TMEM237: variants seen among roughly 807,000 people sequenced by gnomAD.
TMEM237 encodes amyotrophic lateral sclerosis 2 (juvenile) chromosome region, candidate 4.
Under a neutral mutation model 59.1 loss-of-function variants are expected in TMEM237, and 51 were observed. The ratio of observed to expected loss-of-function variants is 0.86; its 90% CI spans 0.69 to 1.09. TMEM237 has a LOEUF of 1.09. Among genes scored for constraint, TMEM237 ranks in the 50% least tolerant of loss-of-function variants. The pLI is 0.00. For missense variants in TMEM237, 475 were observed against 478.3 expected (o/e 0.99, Z 0.06); for synonymous variants, 140 against 166.1 (o/e 0.84, Z 1.21).
chr2:201,641,850 T>C (rs997443243), intron 1 of TMEM237, among the ~76,000 whole-genome samples: 3 of 152,020 alleles, frequency 2.0e-5, no homozygotes, highest in African/African-American at 7.3e-5. Context: ...ATGCAAATAT[T>C]TTTAGGTTAA....
chr2:201,625,564 A>G (rs1957751439), intron 12 of TMEM237, among the ~76,000 whole-genome samples: 1 of 152,224 alleles, frequency 6.6e-6, no homozygotes, highest in Admixed American at 6.5e-5. Context: ...CACACTGAGC[A>G]TGTTAAAAGA....
chr2:201,632,850 T>G (rs1006393292), intron 6 of TMEM237, among the ~76,000 whole-genome samples: 8 of 152,222 alleles, frequency 5.3e-5, no homozygotes, highest in Non-Finnish European at 1.2e-4. Context: ...CAAATAATAG[T>G]GCTATATATA....
Position 201,632,135 on chromosome 2 carries a change from G to C in TMEM237, c.469C>G (p.Gln157Glu). 2 of 1,613,926 alleles carry C rather than the reference G, an allele frequency of 1.2e-6. No homozygotes were observed. Among genetic ancestry groups the C allele is most frequent in the Non-Finnish European group, 1.7e-6 (2 of 1,179,834 alleles). ...VEDEDIITDEQTTVEQQSVFT... is the reference protein window; with the variant it reads ...VEDEDIITDEETTVEQQSVFT... ...ACAGACTGCTGTTCCACAGTAGTTTGCTCATCAGTGATTATGTCTTCATCT... is the reference window on the plus strand; with the variant it reads ...ACAGACTGCTGTTCCACAGTAGTTTCCTCATCAGTGATTATGTCTTCATCT... Residue 157 changes from glutamine (Q) to glutamate (E), a missense_variant, in exon 7 of 13, where the codon CAA becomes GAA. Coordinates refer to ENST00000409883, the MANE Select transcript of TMEM237 (RefSeq NM_001044385.3).
intron 9 of TMEM237, 70 bp from the exon 10 acceptor site, chr2:201,628,219 A>G (rs1162313791): frequency 4.5e-6 from 5 of 1,107,312 alleles, no homozygotes. Context: ...TCTTGACTAT[A>G]GTTTTTTCCT....
chr2:201,633,378 T>C lies in TMEM237; in HGVS notation c.328A>G (p.Asn110Asp). The change falls in exon 6 of 13, where the codon AAT becomes GAT. Residue 110 changes from asparagine (N) to aspartate (D), a missense_variant. By Grantham distance (23) the Asn-to-Asp change is conservative. Coordinates refer to ENST00000409883, the MANE Select transcript of TMEM237 (RefSeq NM_001044385.3). ...KKSSSSSLLR[N>D]ENGIDAEPAE... is the part of the protein sequence containing the mutation. ...GGCTCCGCATCAATACCATTTTCAT[T>C]TCGTAATAAAGATGAACTAGATGAC... 1 of 1,588,802 alleles carries C rather than the reference T, an allele frequency of 6.3e-7. No individual in the cohort carries two copies. The highest frequency in any genetic ancestry group is 8.6e-7 in the Non-Finnish European group (1 of 1,166,832).
chr2:201,642,524 A>C lies in TMEM237; in HGVS notation c.42+835T>G, dbSNP rs1195537236. 3 of 1,494,910 alleles carry C rather than the reference A, an allele frequency of 2.0e-6. No homozygotes were observed. In the East Asian group the frequency reaches 7.6e-5, roughly 38 times the overall value. The allele number at this position is 1,494,910 out of a possible 1,614,324, so 92.6% of individuals were successfully genotyped here. A position where few individuals can be genotyped will look rare whatever the true frequency, so the allele number is the denominator to read the frequency against. On this transcript the variant is annotated intron_variant, in intron 1 of 12. Coordinates refer to ENST00000409883, the MANE Select transcript of TMEM237 (RefSeq NM_001044385.3). The stretch of plus-strand genomic sequence containing the variant: ...CAAAAATGACGTTCCACCCACCCAG[A>C]GACCCAACCTCTAATCCTCAAAAGT...
At chr2:201,642,834 G>C (rs1048478047) in intron 1 of TMEM237, 1 of 1,344,660 alleles carries the variant, frequency 7.4e-7, no homozygotes, top group African/African-American at 1.5e-5. Flanking sequence ...CAAAAAGGGG[G>C]CCTCGGAGTT....
At chr2:201,631,376 T>C (rs1220479526) in intron 7 of TMEM237, 2 of 152,328 alleles carry the variant, frequency 1.3e-5, no homozygotes, top group East Asian at 3.9e-4. Context: ...GGTGGTATTT[T>C]GTTATAGCAG....
At position 201,635,479 on chromosome 2, in the gene TMEM237, T is replaced by C. The variant is rs1033035903; in HGVS notation, c.274+1269A>G. ...AACAACCATAAGAAGCTAGAAGAAA[T>C]GGCCAGGCGCGGTGGCTCACACCTG... On this transcript the variant is annotated intron_variant, in intron 5 of 12. Transcript: ENST00000409883. The surrounding 1 kb of genome is among the most constrained non-coding windows in gnomAD (Gnocchi z 4.5). Among the ~76,000 whole-genome samples, 1 of 152,124 alleles carries C rather than the reference T, an allele frequency of 6.6e-6. No individual in the cohort carries two copies. The highest frequency in any genetic ancestry group is 1.5e-5 in the Non-Finnish European group (1 of 68,014).
chr2:201,631,707 A>G (rs1559587053), intron 7 of TMEM237, among the ~76,000 whole-genome samples: 1 of 152,154 alleles, frequency 6.6e-6, no homozygotes, highest in Admixed American at 6.6e-5. Context: ...CTTTTGTCCT[A>G]TGCATAGATC....
intron 11 of TMEM237, among the ~76,000 whole-genome samples, chr2:201,626,807 C>T (rs141967227): frequency 1.3e-5 from 2 of 152,306 alleles, no homozygotes; most frequent in Non-Finnish European, 2.9e-5. Context: ...CTTGGCTGGG[C>T]GCAGTGGCTC....
At chr2:201,642,345 G>A (rs1028405554) in intron 1 of TMEM237, among the ~76,000 whole-genome samples, 1 of 152,148 alleles carries the variant, frequency 6.6e-6, no homozygotes, top group Non-Finnish European at 1.5e-5. Context: ...TACAAGATTA[G>A]GACGAGGCAA....
chr2:201,632,268 T>A, intron 6 of TMEM237, 60 bp from the exon 7 acceptor site: 3 of 1,574,796 alleles, frequency 1.9e-6, no homozygotes, highest in Non-Finnish European at 2.6e-6. Flanking sequence ...CAGACTTACA[T>A]AAGGAACTAG....
Position 201,633,399 on chromosome 2 carries a change from A to G in TMEM237, c.307T>C (p.Ser103Pro). Residue 103 changes from serine to proline, a missense_variant, in exon 6 of 13, where the codon TCT (serine) becomes CCT (proline). Coordinates refer to ENST00000409883, the MANE Select transcript of TMEM237 (RefSeq NM_001044385.3). ...LETSSTQKKS[S>P]SSSLLRNENG... ...TCATTTCGTAATAAAGATGAACTAG[A>G]TGACTTCTTTTGGGTGGAGGAAGTC... 1 of 1,574,942 alleles carries G rather than the reference A, an allele frequency of 6.3e-7. No homozygotes were observed. Among genetic ancestry groups the G allele is most frequent in the Non-Finnish European group, 8.6e-7 (1 of 1,159,446 alleles).
chr2:201,634,832 C>T (rs942907128), intron 5 of TMEM237: 2 of 430,582 alleles, frequency 4.6e-6, no homozygotes, highest in Non-Finnish European at 9.6e-6. Flanking sequence ...ATTCTCCTGA[C>T]TTTTCTAGTT....
chr2:201,636,531 T>C, intron 5 of TMEM237: 1 of 476,902 alleles, frequency 2.1e-6, no homozygotes. Context: ...TTTGTTGCCC[T>C]CCTCTCATAA....
chr2:201,623,684 A>G lies in TMEM237; in HGVS notation c.*571T>C, dbSNP rs777304224. On this transcript the variant is annotated 3_prime_UTR_variant, in exon 13 of 13. Coordinates refer to ENST00000409883, the MANE Select transcript of TMEM237 (RefSeq NM_001044385.3). The stretch of plus-strand genomic sequence containing the variant: ...TTAGTTACTTCTAGGTAAAAAATTT[A>G]GGTTATATAATTTTTCAAACAAAAC... 1 of 152,536 alleles carries G rather than the reference A, an allele frequency of 6.6e-6. No individual in the cohort carries two copies. The highest frequency in any genetic ancestry group is 1.5e-5 in the Non-Finnish European group (1 of 68,168). The allele number at this position is 152,536 out of a possible 1,614,324, so 9.4% of individuals were successfully genotyped here.
At chr2:201,631,753 T>C (rs1957809826) in intron 7 of TMEM237, among the ~76,000 whole-genome samples, 1 of 152,200 alleles carries the variant, frequency 6.6e-6, no homozygotes, top group Non-Finnish European at 1.5e-5. Flanking sequence ...GTGTATATGC[T>C]CATTTTTTAT....
At chr2:201,634,817 G>C (rs1487666699) in intron 5 of TMEM237, 1 of 412,252 alleles carries the variant, frequency 2.4e-6, no homozygotes, top group Admixed American at 2.8e-5. Flanking sequence ...CCAAAATTAT[G>C]CTCCATTCTC....
Sources: gnomAD v4.1 joint callset for allele counts (sites outside exome capture counted in the v4.1 genomes callset) on GRCh38, gnomAD v4.1.1 for gene constraint, Gnocchi (gnomAD v3.1) non-coding constraint, MANE v1.5 for transcripts, NCBI Gene and HGNC (gene_info 2026-07-23, HGNC 2026-07-21) for gene names.